GALNT7: variants seen among roughly 807,000 people sequenced by gnomAD.
GALNT7 encodes polypeptide N-acetylgalactosaminyltransferase 7.
Under a neutral mutation model 82.1 loss-of-function variants are expected in GALNT7, and 60 were observed. The ratio of observed to expected loss-of-function variants is 0.73; its 90% CI spans 0.59 to 0.91. The LOEUF is 0.91. GALNT7 is among the 40% of genes least tolerant of loss of function. The probability of loss-of-function intolerance (pLI) is 0.00; values close to 1 mark genes in which losing one functional copy is unlikely to be tolerated. For synonymous variants in GALNT7, 243 were observed against 275.1 expected, an observed-to-expected ratio of 0.88 and a Z score of 1.15; for missense variants, 660 against 804.2, an observed-to-expected ratio of 0.82 and a Z score of 2.17.
At chr4:173,300,554 G>A (rs1263354844) in intron 6 of GALNT7, among the ~76,000 whole-genome samples, 1 of 151,824 alleles carries the variant, frequency 6.6e-6, no homozygotes, top group African/African-American at 2.4e-5. Flanking sequence ...TGAATAACAT[G>A]AATGAAGGCC....
At chr4:173,226,269 T>C (rs1733823303) in intron 1 of GALNT7, among the ~76,000 whole-genome samples, 2 of 152,234 alleles carry the variant, frequency 1.3e-5, no homozygotes, top group South Asian at 2.1e-4. Context: ...AGGCATTTGC[T>C]CTTATGTCAT....
chr4:173,171,406 T>G lies in GALNT7; in HGVS notation c.126+2445T>G, dbSNP rs138040250. On this transcript the variant is annotated intron_variant, in intron 1 of 11. Coordinates refer to ENST00000265000, the MANE Select transcript of GALNT7 (RefSeq NM_017423.3). ...CTTTTTTGGATCCCTTTAAATAGCCTGAACGATCCAGTTTACCAGGTATGG... is the reference window on the plus strand; with the variant it reads ...CTTTTTTGGATCCCTTTAAATAGCCGGAACGATCCAGTTTACCAGGTATGG... Among the ~76,000 whole-genome samples the G allele has an allele frequency of 2.7e-3, 417 of 152,358 alleles. 6 individuals carry two copies. The East Asian group carries it at 0.03, about 11-fold the overall frequency.
At chr4:173,232,791 A>G (rs1205360306) in intron 1 of GALNT7, among the ~76,000 whole-genome samples, 4 of 152,100 alleles carry the variant, frequency 2.6e-5, no homozygotes, top group Admixed American at 1.3e-4. Flanking sequence ...GAAATGTACA[A>G]TAAATTGTTG....
chr4:173,321,756 T>C lies in GALNT7; in HGVS notation c.*39T>C. The C allele has an allele frequency of 6.8e-7, 1 of 1,471,670 alleles. No individual in the cohort carries two copies. Among genetic ancestry groups the C allele is most frequent in the South Asian group, 1.1e-5 (1 of 87,250 alleles). The allele number at this position is 1,471,670 out of a possible 1,614,324, so 91.2% of individuals were successfully genotyped here. On this transcript the variant is annotated 3_prime_UTR_variant, in exon 12 of 12. Transcript: ENST00000265000. Reference sequence around the variant, plus strand: ...AACCAATAACCTACCTACTGACAAGTAAATTTATACAGGACTGAAAACCGC... The same window carrying C: ...AACCAATAACCTACCTACTGACAAGCAAATTTATACAGGACTGAAAACCGC...
chr4:173,233,998 G>A, intron 1 of GALNT7, among the ~76,000 whole-genome samples: 1 of 152,078 alleles, frequency 6.6e-6, no homozygotes, highest in East Asian at 1.9e-4. Context: ...ACTCCAGTTG[G>A]GCTCTTGACA....
At chr4:173,233,690 G>A (rs1198605035) in intron 1 of GALNT7, among the ~76,000 whole-genome samples, 2 of 152,130 alleles carry the variant, frequency 1.3e-5, no homozygotes, top group East Asian at 1.9e-4. Context: ...CCGCCTCCCA[G>A]CCAGGCCAGT....
chr4:173,175,842 G>A (rs1442735173), intron 1 of GALNT7, among the ~76,000 whole-genome samples: 1 of 152,166 alleles, frequency 6.6e-6, no homozygotes, highest in African/African-American at 2.4e-5. Flanking sequence ...GGAGGCCTAG[G>A]CAGGCGAATC....
At position 173,323,902 on chromosome 4, in the gene GALNT7, C is replaced by T. The variant is rs1005874191; in HGVS notation, c.*2185C>T. On this transcript the variant is annotated 3_prime_UTR_variant, in exon 12 of 12. Transcript: ENST00000265000. ...TATTAGGATAAATTTGAGAAACTTA[C>T]GTATATCTTAATTCTGGGTTGCTTG... 3.3e-5 allele frequency: 5 copies of T among 152,436 alleles called. No homozygotes were observed. The highest frequency in any genetic ancestry group is 7.4e-5 in the Non-Finnish European group (5 of 67,964). The allele number at this position is 152,436 out of a possible 1,614,324, so 9.4% of individuals were successfully genotyped here. A position where few individuals can be genotyped will look rare whatever the true frequency, so the allele number is the denominator to read the frequency against.
intron 1 of GALNT7, among the ~76,000 whole-genome samples, chr4:173,177,370 G>A (rs1732080952): frequency 2.6e-5 from 4 of 152,188 alleles, no homozygotes; most frequent in African/African-American, 9.7e-5. Context: ...TCAGTCAAGT[G>A]AAGGTGTCTT....
chr4:173,210,599 T>C (rs1229377279), intron 1 of GALNT7, among the ~76,000 whole-genome samples: 1 of 151,868 alleles, frequency 6.6e-6, no homozygotes, highest in Non-Finnish European at 1.5e-5. Flanking sequence ...GACTACAGGC[T>C]AAATTTTTTT....
In GALNT7 at chr4:173,228,411, T is replaced by A. The variant is rs1233433240; in HGVS notation, c.127-19569T>A. On this transcript the variant is annotated intron_variant, in intron 1 of 11. Transcript: ENST00000265000. ...AAACTAATATTATATATAAAGATTT[T>A]CTACAAAAATTATTTTTTGAACGTT... Among the ~76,000 whole-genome samples the A allele has an allele frequency of 2.6e-5, 4 of 151,776 alleles. No individual in the cohort carries two copies. In the South Asian group the frequency reaches 6.3e-4, roughly 24 times the overall value.
intron 3 of GALNT7, among the ~76,000 whole-genome samples, chr4:173,293,565 T>C (rs913645587): frequency 6.6e-6 from 1 of 152,184 alleles, no homozygotes; most frequent in African/African-American, 2.4e-5. Context: ...TAAATGCATA[T>C]AAAAGGAGCT....
intron 1 of GALNT7, among the ~76,000 whole-genome samples, chr4:173,175,100 T>C (rs1274653428): frequency 6.6e-6 from 1 of 152,358 alleles, no homozygotes; most frequent in African/African-American, 2.4e-5. Context: ...TGAGTAGCTA[T>C]TGAATGAAGG....
chr4:173,318,518 C>T lies in GALNT7; in HGVS notation c.1795C>T (p.His599Tyr). 2 of 1,554,996 alleles carry T rather than the reference C, an allele frequency of 1.3e-6. No individual in the cohort carries two copies. The highest frequency in any genetic ancestry group is 1.8e-6 in the Non-Finnish European group (2 of 1,127,460). ...GADGSKVMIT[H>Y]CNLNEFKEWQ... The stretch of plus-strand genomic sequence containing the variant: ...TGATGGATCAAAAGTTATGATTACA[C>T]ACTGTAATCTAAATGAATTTAAGGA... The change falls in exon 11 of 12, where the codon CAC (histidine) becomes TAC (tyrosine). Residue 599 changes from histidine to tyrosine, a missense_variant. Transcript: ENST00000265000.
intron 2 of GALNT7, among the ~76,000 whole-genome samples, chr4:173,276,407 C>A (rs527661626): frequency 2.0e-5 from 3 of 152,140 alleles, no homozygotes; most frequent in African/African-American, 7.2e-5. Flanking sequence ...ACTAGGTTAT[C>A]TTAGAGTCTC....
chr4:173,298,150 A>G lies in GALNT7; in HGVS notation c.1001A>G (p.Asn334Ser), dbSNP rs1736788981. The stretch of plus-strand genomic sequence containing the variant: ...ACTGTGCCGCTTATAGATGTCATAA[A>G]TGGCAACACATATGAAATTATACCC... Reference protein sequence around the residue: ...ICTVPLIDVINGNTYEIIPQG... With the variant: ...ICTVPLIDVISGNTYEIIPQG... The change falls in exon 6 of 12, where the codon AAT becomes AGT. Residue 334 changes from asparagine to serine, a missense_variant. By Grantham distance (46) the Asn-to-Ser change is conservative. Around this residue, in one of 2 missense-constraint regions of GALNT7, gnomAD observed 527 missense variants for 683.5 expected, o/e 0.77. Transcript: ENST00000265000. 1.2e-6 allele frequency: 2 copies of G among 1,614,116 alleles called. No individual in the cohort carries two copies. Among genetic ancestry groups the G allele is most frequent in the Non-Finnish European group, 1.7e-6 (2 of 1,179,964 alleles).
intron 2 of GALNT7, among the ~76,000 whole-genome samples, chr4:173,254,655 A>G (rs573333834): frequency 6.6e-6 from 1 of 152,346 alleles, no homozygotes; most frequent in African/African-American, 2.4e-5. Context: ...TTTTTGGAAT[A>G]TGTGGTGGTT....
At chr4:173,172,727 T>C (rs1363971993) in intron 1 of GALNT7, among the ~76,000 whole-genome samples, 1 of 152,054 alleles carries the variant, frequency 6.6e-6, no homozygotes, top group Non-Finnish European at 1.5e-5. Flanking sequence ...AGAAGGAGCA[T>C]TTGGGCAAAG....
At chr4:173,180,228 T>C (rs1732199074) in intron 1 of GALNT7, among the ~76,000 whole-genome samples, 1 of 152,076 alleles carries the variant, frequency 6.6e-6, no homozygotes, top group South Asian at 2.1e-4. Context: ...TTTTTTTTGC[T>C]TGATTGTTTA....
Sources: gnomAD v4.1 joint callset for allele counts (sites outside exome capture counted in the v4.1 genomes callset) on GRCh38, gnomAD v4.1.1 for gene constraint, gnomAD v4.1.1 regional missense constraint, MANE v1.5 for transcripts, NCBI Gene and HGNC (gene_info 2026-07-23, HGNC 2026-07-21) for gene names.